ENOX1: variants seen among roughly 807,000 people sequenced by gnomAD.
ENOX1 encodes the protein ecto-NOX disulfide-thiol exchanger 1.
A neutral mutation model predicts 82.5 loss-of-function variants in ENOX1; 42 were observed. The observed-to-expected ratio is 0.51, with a 90% CI of 0.40 to 0.66. ENOX1 has a LOEUF of 0.66. Among genes scored for constraint, ENOX1 ranks in the 30% least tolerant of loss-of-function variants. The pLI is 0.00. For missense variants in ENOX1, 608 were observed against 811.6 expected (o/e 0.75, Z 3.05); for synonymous variants, 271 against 282.2 (o/e 0.96, Z 0.40).
intron 3 of ENOX1, among the ~76,000 whole-genome samples, chr13:43,476,277 C>G (rs1445314956): frequency 1.3e-5 from 2 of 152,080 alleles, no homozygotes; most frequent in Non-Finnish European, 2.9e-5. Flanking sequence ...TATGTATTCA[C>G]TTGAGAATTT....
In ENOX1 at chr13:43,517,268, G is replaced by A. The variant is rs1315419578; in HGVS notation, c.-218-33116C>T. ...TCCCAGCACTTTGGGAGGCCGAGGC[G>A]GGTGGATCACCTTGAGGTCAGGAGT... On this transcript the variant is annotated intron_variant, in intron 2 of 16. Coordinates refer to ENST00000690772, the MANE Select transcript of ENOX1 (RefSeq NM_001347969.2). Among the ~76,000 whole-genome samples, 5 of 152,100 alleles carry A rather than the reference G, an allele frequency of 3.3e-5. No homozygotes were observed. In the East Asian group the frequency reaches 5.8e-4, roughly 18 times the overall value.
intron 2 of ENOX1, among the ~76,000 whole-genome samples, chr13:43,566,914 T>C (rs1259433003): frequency 2.0e-5 from 3 of 152,130 alleles, no homozygotes; most frequent in Admixed American, 6.6e-5. Flanking sequence ...GCAATTCTTA[T>C]AGCTAAAGCC....
intron 2 of ENOX1, among the ~76,000 whole-genome samples, chr13:43,595,662 G>A (rs183200374): frequency 1.0e-3 from 159 of 152,226 alleles, no homozygotes; most frequent in African/African-American, 3.7e-3. Context: ...ATTTTCATAG[G>A]AAAATACTGG....
intron 2 of ENOX1, among the ~76,000 whole-genome samples, chr13:43,491,390 T>C (rs184266165): frequency 3.7e-4 from 56 of 152,326 alleles, no homozygotes; most frequent in African/African-American, 1.3e-3. Context: ...CCATAACTTC[T>C]AGCTAGTATT....
intron 3 of ENOX1, among the ~76,000 whole-genome samples, chr13:43,444,491 G>C (rs1305208260): frequency 2.0e-5 from 3 of 152,158 alleles, no homozygotes; most frequent in African/African-American, 7.2e-5. Context: ...TCTTCAGCTG[G>C]GTTCTAGGAA....
intron 5 of ENOX1, among the ~76,000 whole-genome samples, chr13:43,405,148 GAC>G (rs1251807228): frequency 6.6e-6 from 1 of 152,230 alleles, no homozygotes; most frequent in Non-Finnish European, 1.5e-5. Flanking sequence ...AAGCTGAAGA[GAC>G]AGTTTCAGGC....
intron 5 of ENOX1, among the ~76,000 whole-genome samples, chr13:43,410,106 T>A (rs1232148727): frequency 6.6e-6 from 1 of 152,178 alleles, no homozygotes; most frequent in African/African-American, 2.4e-5. Flanking sequence ...CATAAATTGG[T>A]CATGGTTAAA....
intron 11 of ENOX1, among the ~76,000 whole-genome samples, chr13:43,309,230 C>G (rs913397081): frequency 3.3e-5 from 5 of 152,044 alleles, no homozygotes; most frequent in African/African-American, 9.7e-5. Context: ...CTATGCTGGC[C>G]AGGCTGGTCT....
At chr13:43,723,500 C>T (rs2153818950) in intron 1 of ENOX1, among the ~76,000 whole-genome samples, 1 of 152,296 alleles carries the variant, frequency 6.6e-6, no homozygotes. Context: ...AATTGGAAGA[C>T]AGCCGACTCT....
At chr13:43,567,541 A>G (rs551053927) in intron 2 of ENOX1, among the ~76,000 whole-genome samples, 5 of 152,312 alleles carry the variant, frequency 3.3e-5, no homozygotes, top group African/African-American at 1.2e-4. Flanking sequence ...TAACTGTAAA[A>G]GTTCATTTCA....
At chr13:43,420,195 C>T (rs1389005212) in intron 3 of ENOX1, among the ~76,000 whole-genome samples, 2 of 152,122 alleles carry the variant, frequency 1.3e-5, no homozygotes, top group East Asian at 1.9e-4. Context: ...AAATGTTCCA[C>T]GGTTTAAAAC....
chr13:43,599,376 G>A (rs775207957), intron 2 of ENOX1, among the ~76,000 whole-genome samples: 6 of 151,928 alleles, frequency 3.9e-5, no homozygotes, highest in Non-Finnish European at 5.9e-5. Flanking sequence ...AAGGGAGAGT[G>A]CAGTGATAGT....
At chr13:43,269,729 TA>T in intron 12 of ENOX1, 152 bp from the exon 13 acceptor site, 2 of 642,252 alleles carry the variant, frequency 3.1e-6, no homozygotes, top group Non-Finnish European at 5.5e-6. Context: ...TTTTCCGCAC[TA>T]AGTATCAAGG....
At chr13:43,660,766 A>T (rs2084679376) in intron 2 of ENOX1, among the ~76,000 whole-genome samples, 1 of 152,174 alleles carries the variant, frequency 6.6e-6, no homozygotes, top group Admixed American at 6.5e-5. Flanking sequence ...AGGACCTTAA[A>T]CTCCATTTTG....
chr13:43,430,095 G>T (rs1247632945), intron 3 of ENOX1, among the ~76,000 whole-genome samples: 1 of 152,212 alleles, frequency 6.6e-6, no homozygotes, highest in Non-Finnish European at 1.5e-5. Context: ...TGATTTAACT[G>T]TGTAGCATTG....
At chr13:43,374,736 A>G (rs1444490024) in intron 5 of ENOX1, among the ~76,000 whole-genome samples, 1 of 152,138 alleles carries the variant, frequency 6.6e-6, no homozygotes, top group Non-Finnish European at 1.5e-5. Context: ...TCCTCATTAT[A>G]TCTCCACCAG....
intron 2 of ENOX1, among the ~76,000 whole-genome samples, chr13:43,484,603 G>A (rs751946847): frequency 6.6e-6 from 1 of 152,170 alleles, no homozygotes; most frequent in Non-Finnish European, 1.5e-5. Flanking sequence ...CTTAGAACCT[G>A]TAACCATCAA....
At position 43,326,479 on chromosome 13, in the gene ENOX1, A is replaced by G; in HGVS notation, c.1083T>C (p.Ala361=). 1.2e-6 allele frequency: 2 copies of G among 1,614,188 alleles called. No homozygotes were observed. Among genetic ancestry groups the G allele is most frequent in the Non-Finnish European group, 1.7e-6 (2 of 1,179,992 alleles). The change falls in exon 10 of 17, where the codon GCT becomes GCC. Residue 361 remains alanine, a synonymous_variant. Coordinates refer to ENST00000690772, the MANE Select transcript of ENOX1 (RefSeq NM_001347969.2). ...AVFNASTRQK[A]WDHFSKAQRK... ...GCTGGGCTTTCGAGAAATGGTCCCA[A>G]GCTTTTTGTCTGGTAGAAGCGTTGA...
At chr13:43,607,044 T>C (rs1285583226) in intron 2 of ENOX1, among the ~76,000 whole-genome samples, 1 of 152,038 alleles carries the variant, frequency 6.6e-6, no homozygotes, top group African/African-American at 2.4e-5. Flanking sequence ...GACAGCACAA[T>C]AGAGTGACTA....
Sources: gnomAD v4.1 joint callset for allele counts (sites outside exome capture counted in the v4.1 genomes callset) on GRCh38, gnomAD v4.1.1 for gene constraint, MANE v1.5 for transcripts, NCBI Gene and HGNC (gene_info 2026-07-23, HGNC 2026-07-21) for gene names.